The following RINT1 variants were observed in gnomAD, a reference collection of about 807,000 sequenced individuals.
RINT1 encodes RAD50 interactor 1.
RINT1 carries 75 observed loss-of-function variants against 97.7 expected under a neutral mutation model. The observed-to-expected ratio is 0.77, with a 90% CI of 0.64 to 0.93. RINT1 has a LOEUF of 0.93. RINT1 is among the 40% of genes least tolerant of loss of function. RINT1 has a pLI of 0.00. For missense variants in RINT1, 892 were observed against 925.2 expected, an observed-to-expected ratio of 0.96 and a Z score of 0.47; for synonymous variants, 303 against 326.3, an observed-to-expected ratio of 0.93 and a Z score of 0.77.
chr7:105,539,669 A>T (rs912630458), intron 3 of RINT1, among the ~76,000 whole-genome samples: 1 of 152,100 alleles, frequency 6.6e-6, no homozygotes, highest in Non-Finnish European at 1.5e-5. Flanking sequence ...CTCCCGGCCC[A>T]TCTTTCCCAC....
At chr7:105,567,067 A>G (rs1177432236) in intron 14 of RINT1, 52 bp from the exon 15 acceptor site, 10 of 1,151,224 alleles carry the variant, frequency 8.7e-6, no homozygotes, top group Non-Finnish European at 1.2e-6. Flanking sequence ...TTGTAATATA[A>G]TTGATGCAGA....
intron 6 of RINT1, among the ~76,000 whole-genome samples, chr7:105,548,125 T>C (rs1206114373): frequency 6.6e-6 from 1 of 152,068 alleles, no homozygotes; most frequent in Non-Finnish European, 1.5e-5. Context: ...CCACCCAGGC[T>C]CAGTTGATTC....
At chr7:105,566,237 CAA>C (rs58538270) in intron 14 of RINT1, 6 of 126,204 alleles carry the variant, frequency 4.8e-5, no homozygotes, top group African/African-American at 8.7e-5. Context: ...AAGACTGTCT[CAA>C]AAAAAAAAAA....
In RINT1 at chr7:105,547,284, TAC is replaced by T. The variant is rs1562847681; in HGVS notation, c.792_793del (p.Tyr264Ter). 1.9e-6 allele frequency: 3 copies of T among 1,614,202 alleles called. No individual in the cohort carries two copies. The highest frequency in any genetic ancestry group is 2.2e-5 in the South Asian group (2 of 91,088). On this transcript the variant is annotated frameshift_variant, in exon 6 of 15. Transcript: ENST00000257700. LOFTEE classifies it high-confidence loss of function. The part of the protein sequence containing the change: ...LSRPASAPEI[Y>X]SYLETLFCQL... ...TCGACCTGCCAGTGCCCCGGAGATA[TAC>T]AGTTACCTGGAGACACTGTTTTGTC... is the stretch of plus-strand genomic sequence containing the variant.
At chr7:105,560,310 A>G (rs1791383693) in intron 11 of RINT1, among the ~76,000 whole-genome samples, 1 of 152,192 alleles carries the variant, frequency 6.6e-6, no homozygotes, top group Non-Finnish European at 1.5e-5. Flanking sequence ...CCCTGGCACC[A>G]AAGGATAGGG....
chr7:105,557,579 T>C (rs1791237923), intron 11 of RINT1, among the ~76,000 whole-genome samples: 1 of 152,196 alleles, frequency 6.6e-6, no homozygotes, highest in Non-Finnish European at 1.5e-5. Context: ...ATTATGAGTT[T>C]AGGAATAAAA....
chr7:105,546,008 G>A (rs531397999), intron 4 of RINT1, among the ~76,000 whole-genome samples: 1 of 135,486 alleles, frequency 7.4e-6, no homozygotes, highest in African/African-American at 2.8e-5. Context: ...ATGGGGAAGG[G>A]GGGGCGGGGG....
chr7:105,563,822 G>A lies in RINT1; in HGVS notation c.1761G>A (p.Met587Ile). 6.2e-7 allele frequency: 1 copy of A among 1,614,098 alleles called. No individual in the cohort carries two copies. Among genetic ancestry groups the A allele is most frequent in the Non-Finnish European group, 8.5e-7 (1 of 1,179,964 alleles). ...SKLQLGQLAS[M>I]ESSVFDDMIN... ...TGCAGCTAGGACAGCTAGCCTCTAT[G>A]GAGAGCTCTGTCTTTGATGACATGA... The change falls in exon 12 of 15, where the codon ATG becomes ATA. Residue 587 changes from methionine (M) to isoleucine (I), a missense_variant. By Grantham distance (10) the Met-to-Ile change is conservative. Transcript: ENST00000257700.
chr7:105,551,865 AG>A (rs1042158243), intron 10 of RINT1, among the ~76,000 whole-genome samples, 158 bp downstream of exon 10: 4 of 152,276 alleles, frequency 2.6e-5, no homozygotes, highest in African/African-American at 9.6e-5. Context: ...CAGGAGTTCG[AG>A]AACAGCCTGG....
At position 105,548,612 on chromosome 7, in the gene RINT1, C is replaced by G. The variant is rs773454248; in HGVS notation, c.898C>G (p.Pro300Ala). ...LPEKYSLPAS[P>A]SVILPIQVML... ...AGAAAAATACTCTCTTCCTGCCTCC[C>G]CTTCTGTCATCCTGCCCATCCAGGT... is the stretch of plus-strand genomic sequence containing the variant. Residue 300 changes from proline (P) to alanine (A), a missense_variant, in exon 7 of 15, where the codon CCT (proline) becomes GCT (alanine). By Grantham distance (27) the Pro-to-Ala change is conservative. Transcript: ENST00000257700. 6.2e-7 allele frequency: 1 copy of G among 1,614,118 alleles called. No homozygotes were observed. Among genetic ancestry groups the G allele is most frequent in the South Asian group, 1.1e-5 (1 of 91,078 alleles).
chr7:105,551,120 T>TGGGGCTCAGGTGATCCTC (rs1790906934), intron 9 of RINT1, among the ~76,000 whole-genome samples: 1 of 152,136 alleles, frequency 6.6e-6, no homozygotes, highest in African/African-American at 2.4e-5. Flanking sequence ...CCTCGACCTC[T>TGGGGCTCAGGTGATCCTC]GGGGCTCAGG....
At position 105,550,450 on chromosome 7, in the gene RINT1, A is replaced by G; in HGVS notation, c.1297A>G (p.Thr433Ala). ...TTGTATGCATATTCTATCAGAGGAA[A>G]CCTGTTTTCAGAGATGGTTGACGGT... Reference protein sequence around the residue: ...ASCMHILSEETCFQRWLTVER... With the variant: ...ASCMHILSEEACFQRWLTVER... The change falls in exon 9 of 15, where the codon ACC becomes GCC. Residue 433 changes from threonine to alanine, a missense_variant. Transcript: ENST00000257700. The G allele has an allele frequency of 6.2e-7, 1 of 1,613,958 alleles. No homozygotes were observed. The highest frequency in any genetic ancestry group is 8.5e-7 in the Non-Finnish European group (1 of 1,179,960).
chr7:105,547,302 C>G lies in RINT1; in HGVS notation c.808C>G (p.Leu270Val). ...APEIYSYLET[L>V]FCQLLKLQTS... ...GGAGATATACAGTTACCTGGAGACA[C>G]TGTTTTGTCAGCTTTTGAAACTACA... Residue 270 changes from leucine (L) to valine (V), a missense_variant, in exon 6 of 15, where the codon CTG becomes GTG. Leu to Val is a conservative substitution (Grantham distance 32). Transcript: ENST00000257700. 6.2e-7 allele frequency: 1 copy of G among 1,614,198 alleles called. No homozygotes were observed. The highest frequency in any genetic ancestry group is 8.5e-7 in the Non-Finnish European group (1 of 1,180,022).
Position 105,567,301 on chromosome 7 carries a change from C to G in RINT1, c.2369C>G (p.Thr790Ser). The change falls in exon 15 of 15, where the codon ACT becomes AGT. Residue 790 changes from threonine to serine, a missense_variant. Coordinates refer to ENST00000257700, the MANE Select transcript of RINT1 (RefSeq NM_021930.6). The stretch of plus-strand genomic sequence containing the variant: ...AATTTGAGGACAAATTGGCCTAATA[C>G]TGGAAAATAATGTCTTTCAGAAAAA... The part of the protein sequence containing the change: ...LLNLRTNWPN[T>S]GK The G allele has an allele frequency of 6.3e-7, 1 of 1,592,006 alleles. No individual in the cohort carries two copies. The highest frequency in any genetic ancestry group is 8.5e-7 in the Non-Finnish European group (1 of 1,170,296).
intron 2 of RINT1, 38 bp from the exon 3 acceptor site, chr7:105,536,527 C>G: frequency 7.2e-7 from 1 of 1,396,294 alleles, no homozygotes; most frequent in Non-Finnish European, 9.9e-7. Context: ...CTCCATAGTA[C>G]TTAGTGGCGT....
chr7:105,535,298 C>T (rs56144672), intron 2 of RINT1, among the ~76,000 whole-genome samples: 29,337 of 147,522 alleles, frequency 0.2, 3,102 homozygotes, highest in South Asian at 0.26. Flanking sequence ...GGCGTGATCT[C>T]GGCTCACTGC....
At chr7:105,549,693 G>A (rs1790845309) in intron 7 of RINT1, among the ~76,000 whole-genome samples, 1 of 151,926 alleles carries the variant, frequency 6.6e-6, no homozygotes, top group Non-Finnish European at 1.5e-5. Flanking sequence ...AAAACCATAA[G>A]AAAATAATAT....
chr7:105,552,830 C>T (rs1357302363), intron 10 of RINT1, among the ~76,000 whole-genome samples: 3 of 151,694 alleles, frequency 2.0e-5, no homozygotes, highest in Non-Finnish European at 2.9e-5. Context: ...CCTGCTGCCA[C>T]GCCCAGCTAA....
intron 10 of RINT1, among the ~76,000 whole-genome samples, chr7:105,553,921 T>C (rs1391802747): frequency 2.5e-5 from 2 of 80,674 alleles, no homozygotes; most frequent in Non-Finnish European, 2.4e-5. Flanking sequence ...TTTTTTGAGA[T>C]GGAGTCTCAC....
Sources: allele counts gnomAD v4.1 joint callset (sites outside exome capture counted in the v4.1 genomes callset), GRCh38; gene constraint gnomAD v4.1.1; transcripts MANE v1.5; gene names NCBI Gene and HGNC (gene_info 2026-07-23, HGNC 2026-07-21).